FRMD6: variants seen among roughly 807,000 people sequenced by gnomAD.
FRMD6 encodes FERM domain-containing protein 6.
In FRMD6, 37 loss-of-function variants were observed where a neutral mutation model predicts 73.2. The ratio of observed to expected loss-of-function variants is 0.51; its 90% CI spans 0.39 to 0.66. The LOEUF (loss-of-function observed/expected upper bound fraction) is 0.66, where lower values mean the gene tolerates loss of function less well. Among genes scored for constraint, FRMD6 ranks in the 30% least tolerant of loss-of-function variants. The pLI is 0.00. For missense variants in FRMD6, 714 were observed against 780.5 expected (o/e 0.91, Z 1.02); for synonymous variants, 273 against 282.2 (o/e 0.97, Z 0.33).
chr14:51,434,881 C>T, the FRMD6 span, among the ~76,000 whole-genome samples: 14 of 152,240 alleles, frequency 9.2e-5, no homozygotes, highest in African/African-American at 2.9e-4. Context: ...ATCTCCTCTA[C>T]GTTATTCTTG....
At chr14:51,651,842 C>T (rs1218188103), upstream of FRMD6, 2 of 8,060 alleles carry the variant, frequency 2.5e-4, no homozygotes, top group Admixed American at 1.5e-3. Context: ...CGGGTCGGGT[C>T]GGGAGGCGTG....
intron 1 of FRMD6, among the ~76,000 whole-genome samples, chr14:51,550,578 A>C (rs1195826301): frequency 1.5e-5 from 1 of 66,170 alleles, no homozygotes; most frequent in African/African-American, 6.5e-5. Context: ...GCTTGGGAGG[A>C]GACCCCCCCG....
At chr14:51,574,469 G>A (rs555638157) in intron 2 of FRMD6, among the ~76,000 whole-genome samples, 3 of 152,264 alleles carry the variant, frequency 2.0e-5, no homozygotes, top group South Asian at 2.1e-4. Context: ...TATGCACAAC[G>A]GAGTACTACT....
At chr14:51,572,129 A>G (rs1888166185) in intron 2 of FRMD6, among the ~76,000 whole-genome samples, 1 of 152,254 alleles carries the variant, frequency 6.6e-6, no homozygotes, top group African/African-American at 2.4e-5. Flanking sequence ...AATATGGAAA[A>G]GCATCATTCA....
rs1185923087 is a variant in FRMD6 at position 51,720,193 on chromosome 14, G to A, written c.1163G>A (p.Ser388Asn). 6 of 1,613,962 alleles carry A rather than the reference G, an allele frequency of 3.7e-6. No individual in the cohort carries two copies. The African/African-American group carries it at 8.0e-5, about 22-fold the overall frequency. Residue 388 changes from serine to asparagine, a missense_variant, in exon 11 of 14, where the codon AGC becomes AAC. Ser to Asn is a conservative substitution (Grantham distance 46). Transcript: ENST00000344768. ...CGCCTGTCCCGTCATTCCACCGCCA[G>A]CCACAGCAGTTCCCACACCTCGGGC... ...HKRLSRHSTA[S>N]HSSSHTSGIE...
rs542235954 is a variant in FRMD6, at chr14:51,586,899, A to T, written c.-147+16489A>T. Among the ~76,000 whole-genome samples the T allele has an allele frequency of 2.6e-5, 4 of 152,192 alleles. No individual in the cohort carries two copies. In the South Asian group the frequency reaches 8.3e-4, roughly 32 times the overall value. On this transcript the variant is annotated intron_variant, in intron 2 of 14. Coordinates refer to the FRMD6 transcript ENST00000356218. ...GCTGGGACCACAGGCATGCACCACCACACTCAGCTAATTTTTTAAAAAAAG... is the reference window on the plus strand; with the variant it reads ...GCTGGGACCACAGGCATGCACCACCTCACTCAGCTAATTTTTTAAAAAAAG...
chr14:51,519,115 G>A (rs1441979339), intron 1 of FRMD6, among the ~76,000 whole-genome samples: 1 of 152,066 alleles, frequency 6.6e-6, no homozygotes, highest in Non-Finnish European at 1.5e-5. Context: ...TTCTAACACA[G>A]TGCTTGGGAT....
chr14:51,515,996 T>C (rs76125560), intron 1 of FRMD6, among the ~76,000 whole-genome samples: 19,946 of 152,020 alleles, frequency 0.13, 1,410 homozygotes, highest in East Asian at 0.26. Flanking sequence ...AGGCACTTTC[T>C]AACCTTCTGG....
the FRMD6 span, among the ~76,000 whole-genome samples, chr14:51,452,015 G>A: frequency 6.6e-6 from 1 of 152,176 alleles, no homozygotes; most frequent in African/African-American, 2.4e-5. Flanking sequence ...AATGCTTTAA[G>A]CAGGGCAGAG....
At chr14:51,478,915 G>GA in the FRMD6 span, among the ~76,000 whole-genome samples, 7 of 151,846 alleles carry the variant, frequency 4.6e-5, no homozygotes, top group African/African-American at 1.2e-4. Flanking sequence ...GTTGTCAAAA[G>GA]AAAAAAAATG....
At chr14:51,526,544 T>C (rs1455755731) in intron 1 of FRMD6, among the ~76,000 whole-genome samples, 9 of 152,182 alleles carry the variant, frequency 5.9e-5, no homozygotes, top group Admixed American at 5.9e-4. Flanking sequence ...TAGGTCCCTG[T>C]CCCTTTGCTG....
chr14:51,493,550 C>T (rs1356972301), intron 1 of FRMD6, among the ~76,000 whole-genome samples: 1 of 152,194 alleles, frequency 6.6e-6, no homozygotes, highest in African/African-American at 2.4e-5. Context: ...TTGCCTTCCA[C>T]CATGATTGTG....
chr14:51,535,119 G>T (rs1409932381), intron 1 of FRMD6, among the ~76,000 whole-genome samples: 1 of 152,138 alleles, frequency 6.6e-6, no homozygotes, highest in Non-Finnish European at 1.5e-5. Context: ...TCTTTTGATT[G>T]AAATCAGGGA....
intron 1 of FRMD6, among the ~76,000 whole-genome samples, chr14:51,508,324 GT>G (rs1255174384): frequency 6.6e-6 from 1 of 152,242 alleles, no homozygotes; most frequent in Non-Finnish European, 1.5e-5. Flanking sequence ...GCCAGAGTCT[GT>G]CCCCAGAGCA....
At chr14:51,699,817 G>A (rs770278740) in intron 3 of FRMD6, among the ~76,000 whole-genome samples, 2 of 151,962 alleles carry the variant, frequency 1.3e-5, no homozygotes, top group Non-Finnish European at 2.9e-5. Flanking sequence ...GGGAACTCAA[G>A]CCAAACACAA....
chr14:51,495,595 T>C (rs1456373340), intron 1 of FRMD6, among the ~76,000 whole-genome samples: 1 of 152,234 alleles, frequency 6.6e-6, no homozygotes, highest in Non-Finnish European at 1.5e-5. Context: ...TCATTTATAG[T>C]TCTCCTCTCC....
intron 1 of FRMD6, among the ~76,000 whole-genome samples, chr14:51,500,712 A>G (rs1566779329): frequency 6.6e-6 from 1 of 151,946 alleles, no homozygotes. Context: ...AAGTTAAGGA[A>G]CCCTGAAGGC....
chr14:51,674,172 A>G (rs2140259276), intron 1 of FRMD6, among the ~76,000 whole-genome samples: 1 of 152,302 alleles, frequency 6.6e-6, no homozygotes, highest in South Asian at 2.1e-4. Flanking sequence ...CAAATCTTAT[A>G]TCTGAAAAAA....
chr14:51,694,796 G>A (rs1408351236), intron 2 of FRMD6, among the ~76,000 whole-genome samples: 2 of 152,142 alleles, frequency 1.3e-5, no homozygotes, highest in African/African-American at 4.8e-5. Context: ...CATTGCTCCT[G>A]AAGATTAAAG....
Sources: allele counts gnomAD v4.1 joint callset (sites outside exome capture counted in the v4.1 genomes callset), GRCh38; gene constraint gnomAD v4.1.1; transcripts MANE v1.5; gene names NCBI Gene and HGNC (gene_info 2026-07-23, HGNC 2026-07-21).